PLAC1: variants seen among roughly 807,000 people sequenced by gnomAD.
PLAC1 encodes placenta associated 1, also known as placenta-specific protein 1.
For missense variants in PLAC1, 136 were observed against 163.2 expected (o/e 0.83, Z 0.91); for synonymous variants, 68 against 62.1 (o/e 1.09, Z -0.44).
intron 2 of PLAC1, among the ~76,000 whole-genome samples, chrX:134,583,650 A>G (rs2077985804): frequency 9.0e-6 from 1 of 110,613 alleles, no homozygotes; most frequent in Admixed American, 9.7e-5. Flanking sequence ...GGCCTGGCAC[A>G]GAGCAAGTGT....
chrX:134,607,809 CG>C (rs1436618606), intron 1 of PLAC1, among the ~76,000 whole-genome samples: 1 of 110,868 alleles, frequency 9.0e-6, no homozygotes, highest in Non-Finnish European at 1.9e-5. Context: ...GGGCAGCCTC[CG>C]GGAGGTGAGA....
At chrX:134,577,285 A>C (rs1416249553) in intron 2 of PLAC1, among the ~76,000 whole-genome samples, 1 of 112,175 alleles carries the variant, frequency 8.9e-6, no homozygotes, top group East Asian at 2.8e-4. Context: ...GGAGAAACCT[A>C]GAGTGAAACT....
intron 1 of PLAC1, among the ~76,000 whole-genome samples, chrX:134,630,717 A>G (rs1387496383): frequency 8.9e-6 from 1 of 111,912 alleles, no homozygotes; most frequent in Non-Finnish European, 1.9e-5. Context: ...AATCTTAACT[A>G]CTAGTGCGAT....
chrX:134,663,294 T>G (rs2078423022), upstream of PLAC1, among the ~76,000 whole-genome samples: 1 of 112,919 alleles, frequency 8.9e-6, no homozygotes, highest in Admixed American at 9.3e-5. Flanking sequence ...CACCTTAGGT[T>G]GGATATGGAT....
chrX:134,666,024 G>C (rs962017743), intron 2 of PLAC1, among the ~76,000 whole-genome samples: 3 of 111,429 alleles, frequency 2.7e-5, no homozygotes, highest in African/African-American at 9.8e-5. Flanking sequence ...GCTGGTCAAC[G>C]GGTTCTTTCT....
intron 2 of PLAC1, among the ~76,000 whole-genome samples, chrX:134,587,820 G>T (rs939675735): frequency 8.9e-6 from 1 of 112,080 alleles, no homozygotes; most frequent in African/African-American, 3.2e-5. Flanking sequence ...GCATCTTAAG[G>T]TTGTTCATAA....
chrX:134,715,823 C>G (rs887971578), intron 2 of PLAC1, among the ~76,000 whole-genome samples: 1 of 112,721 alleles, frequency 8.9e-6, no homozygotes, highest in Non-Finnish European at 1.9e-5. Flanking sequence ...ACCTGAAGAA[C>G]TTTGTGGCTG....
intron 2 of PLAC1, among the ~76,000 whole-genome samples, chrX:134,728,768 C>T (rs755200530): frequency 1.8e-5 from 2 of 110,781 alleles, no homozygotes; most frequent in Non-Finnish European, 3.8e-5. Context: ...TTTGTAACTC[C>T]CTTTTTTCCT....
chrX:134,589,357 A>G (rs2078023127), intron 2 of PLAC1, among the ~76,000 whole-genome samples: 1 of 111,175 alleles, frequency 9.0e-6, no homozygotes. Flanking sequence ...GGGTGGAAAG[A>G]AACCCCTCCA....
At chrX:134,660,862 G>C (rs1294769503), upstream of PLAC1, among the ~76,000 whole-genome samples, 1 of 112,113 alleles carries the variant, frequency 8.9e-6, no homozygotes, top group Non-Finnish European at 1.9e-5. Flanking sequence ...AGAGGAGTCA[G>C]CCTCTTAGCT....
rs542620732 is a variant in PLAC1 at position 134,716,734 on chromosome X, C to G, written n.174+16701G>C. 4.5e-5 allele frequency among the ~76,000 whole-genome samples: 5 copies of G among 111,970 alleles called. No individual in the cohort carries two copies. The South Asian group carries it at 1.5e-3, about 34-fold the overall frequency. ...AACCATGCTAACACAGAATTTGTGCCGATTAAATACTTGTTGAGTGAATGA... is the reference window on the plus strand; with the variant it reads ...AACCATGCTAACACAGAATTTGTGCGGATTAAATACTTGTTGAGTGAATGA... On this transcript the variant is annotated intron_variant and non_coding_transcript_variant, in intron 2 of 2. Coordinates refer to the PLAC1 transcript ENST00000466797.
chrX:134,611,120 T>A (rs2124397414), intron 1 of PLAC1, among the ~76,000 whole-genome samples: 1 of 111,035 alleles, frequency 9.0e-6, no homozygotes, highest in Non-Finnish European at 1.9e-5. Flanking sequence ...GCTCAAGTGA[T>A]TTGCCCACCT....
intron 1 of PLAC1, among the ~76,000 whole-genome samples, chrX:134,614,075 A>G (rs2078167563): frequency 9.3e-6 from 1 of 107,248 alleles, no homozygotes; most frequent in South Asian, 4.1e-4. Flanking sequence ...GCTTCCCTCC[A>G]CCTCCCTAGC....
chrX:134,664,617 C>T (rs2078429799), intron 2 of PLAC1, among the ~76,000 whole-genome samples: 2 of 112,113 alleles, frequency 1.8e-5, no homozygotes, highest in Non-Finnish European at 3.8e-5. Context: ...ACCTGGCTGT[C>T]CAGAAAGGGA....
At chrX:134,762,837 AAAAAAAAAAAAGAAAAG>A (rs1274854913) in intron 1 of PLAC1, among the ~76,000 whole-genome samples, 49 of 105,994 alleles carry the variant, frequency 4.6e-4, no homozygotes, top group African/African-American at 1.6e-3. Context: ...AAAAAAAAAA[AAAAAAAAAAAAGAAAAG>A]AAAAGAAAAG....
intron 2 of PLAC1, among the ~76,000 whole-genome samples, chrX:134,666,329 C>T (rs1361306875): frequency 4.5e-5 from 5 of 111,148 alleles, no homozygotes; most frequent in Non-Finnish European, 9.4e-5. Context: ...GCAGGAAGGA[C>T]GTGTCCAGAA....
At chrX:134,699,162 C>T (rs2078574422) in intron 2 of PLAC1, among the ~76,000 whole-genome samples, 1 of 111,848 alleles carries the variant, frequency 8.9e-6, no homozygotes, top group South Asian at 3.7e-4. Context: ...GTTTTTGTCC[C>T]CTCCAAAATT....
At chrX:134,591,130 C>T (rs769593885) in intron 2 of PLAC1, among the ~76,000 whole-genome samples, 2 of 111,949 alleles carry the variant, frequency 1.8e-5, no homozygotes, top group Non-Finnish European at 3.8e-5. Flanking sequence ...TCCCCTCATT[C>T]GAGCACAGCT....
chrX:134,657,931 A>T (rs1156710116), intron 1 of PLAC1, among the ~76,000 whole-genome samples: 2 of 112,138 alleles, frequency 1.8e-5, no homozygotes, highest in Non-Finnish European at 3.8e-5. Context: ...AAATATGTGT[A>T]GGGGAATCCC....
Sources: gnomAD v4.1 joint callset for allele counts (sites outside exome capture counted in the v4.1 genomes callset) on GRCh38, gnomAD v4.1.1 for gene constraint, MANE v1.5 for transcripts, NCBI Gene and HGNC (gene_info 2026-07-23, HGNC 2026-07-21) for gene names.